UNC13C: variants seen among roughly 807,000 people sequenced by gnomAD.
UNC13C encodes the protein unc-13 homolog C, also known as protein unc-13 homolog C.
UNC13C carries 174 observed loss-of-function variants against 245.4 expected under a neutral mutation model. The ratio of observed to expected loss-of-function variants is 0.71; its 90% CI spans 0.63 to 0.80. The LOEUF (loss-of-function observed/expected upper bound fraction) is 0.80, where lower values mean the gene tolerates loss of function less well. Among genes scored for constraint, UNC13C ranks in the 30% least tolerant of loss-of-function variants. UNC13C has a pLI of 0.00. For synonymous variants in UNC13C, 992 were observed against 895.1 expected (o/e 1.11, Z -1.93); for missense variants, 2,829 against 2,602.9 (o/e 1.09, Z -1.89).
At chr15:54,342,039 T>G in intron 17 of UNC13C, among the ~76,000 whole-genome samples, 1 of 152,240 alleles carries the variant, frequency 6.6e-6, no homozygotes, top group East Asian at 1.9e-4. Flanking sequence ...TCCTTTTTTG[T>G]CCATTGGAGA....
At chr15:54,146,603 C>T (rs1457950210) in intron 4 of UNC13C, among the ~76,000 whole-genome samples, 1 of 152,016 alleles carries the variant, frequency 6.6e-6, no homozygotes, top group East Asian at 1.9e-4. Flanking sequence ...GAAGAGGTGA[C>T]AGAAAAATAA....
intron 4 of UNC13C, among the ~76,000 whole-genome samples, chr15:54,191,901 T>C (rs2034196793): frequency 6.6e-6 from 1 of 152,146 alleles, no homozygotes; most frequent in Non-Finnish European, 1.5e-5. Context: ...GTTGGGGTTA[T>C]TTTTTTCTTG....
rs998741328 is a variant in UNC13C at position 54,426,171 on chromosome 15, T to A, written c.4933+11104T>A. Among the ~76,000 whole-genome samples the A allele has an allele frequency of 6.6e-5, 10 of 151,684 alleles. 1 individual carries two copies. Among genetic ancestry groups the A allele is most frequent in the Admixed American group, 3.3e-4 (5 of 15,172 alleles). On this transcript the variant is annotated intron_variant, in intron 19 of 32. Transcript: ENST00000260323. ...CAGCTGAAGCCTTAATTCTTCTTTGTCATTTAACAGAACATATTCATATTC... is the reference window on the plus strand; with the variant it reads ...CAGCTGAAGCCTTAATTCTTCTTTGACATTTAACAGAACATATTCATATTC...
At chr15:54,455,734 GATTT>G (rs1891485403) in intron 19 of UNC13C, among the ~76,000 whole-genome samples, 2 of 151,546 alleles carry the variant, frequency 1.3e-5, no homozygotes, top group Admixed American at 1.3e-4. Flanking sequence ...TTATTTTGCT[GATTT>G]ATTTGAGTTC....
intron 10 of UNC13C, among the ~76,000 whole-genome samples, chr15:54,287,850 A>G (rs1195999523): frequency 6.6e-6 from 1 of 152,196 alleles, no homozygotes; most frequent in African/African-American, 2.4e-5. Context: ...GCATGTATAT[A>G]TGACTTTTCT....
intron 19 of UNC13C, among the ~76,000 whole-genome samples, chr15:54,465,182 T>C (rs1269572348): frequency 2.0e-5 from 3 of 152,048 alleles, no homozygotes; most frequent in Non-Finnish European, 4.4e-5. Flanking sequence ...GTGACCAGAA[T>C]AGGGTAAATT....
At chr15:54,203,349 T>C (rs1279664969) in intron 4 of UNC13C, among the ~76,000 whole-genome samples, 1 of 151,472 alleles carries the variant, frequency 6.6e-6, no homozygotes, top group African/African-American at 2.4e-5. Flanking sequence ...AGAAAAGAAG[T>C]CACTATACCA....
intron 2 of UNC13C, among the ~76,000 whole-genome samples, chr15:54,019,034 A>G (rs1895783098): frequency 6.6e-6 from 1 of 152,292 alleles, no homozygotes; most frequent in East Asian, 1.9e-4. Context: ...ATAAAAGCTT[A>G]TTACTCAGAA....
intron 4 of UNC13C, among the ~76,000 whole-genome samples, chr15:54,176,340 T>G (rs1454103196): frequency 6.6e-6 from 1 of 152,186 alleles, no homozygotes; most frequent in African/African-American, 2.4e-5. Context: ...ACTGAGATTA[T>G]TATGTTCTAT....
intron 19 of UNC13C, among the ~76,000 whole-genome samples, chr15:54,445,483 T>G (rs1890758313): frequency 6.6e-6 from 1 of 152,210 alleles, no homozygotes; most frequent in Non-Finnish European, 1.5e-5. Flanking sequence ...GACTTTTTAA[T>G]GATCTCCGTT....
chr15:54,153,518 A>C (rs1217449734), intron 4 of UNC13C, among the ~76,000 whole-genome samples: 8 of 151,998 alleles, frequency 5.3e-5, no homozygotes, highest in Non-Finnish European at 1.2e-4. Flanking sequence ...ATCAGAGCTG[A>C]GATTTGAACT....
At chr15:53,951,321 T>A in the UNC13C span, among the ~76,000 whole-genome samples, 6 of 152,220 alleles carry the variant, frequency 3.9e-5, no homozygotes, top group African/African-American at 1.4e-4. Context: ...TGATTTCACA[T>A]CTATCTAATG....
At chr15:53,877,498 A>G in the UNC13C span, among the ~76,000 whole-genome samples, 1 of 152,188 alleles carries the variant, frequency 6.6e-6, no homozygotes, top group African/African-American at 2.4e-5. Flanking sequence ...AAAGGGCTTT[A>G]CTTCCTCAGG....
At chr15:53,935,167 A>C in the UNC13C span, among the ~76,000 whole-genome samples, 15,999 of 146,186 alleles carry the variant, frequency 0.11, 1,199 homozygotes, top group East Asian at 0.34. Flanking sequence ...AAAAAAAAAA[A>C]CCTCTTTCAA....
chr15:54,277,323 T>C (rs1213281617), intron 10 of UNC13C, among the ~76,000 whole-genome samples: 1 of 152,332 alleles, frequency 6.6e-6, no homozygotes, highest in East Asian at 1.9e-4. Flanking sequence ...GGATAGCACT[T>C]CTTTTGACTT....
At chr15:54,384,207 C>G (rs1163587217) in intron 17 of UNC13C, among the ~76,000 whole-genome samples, 2 of 152,008 alleles carry the variant, frequency 1.3e-5, no homozygotes, top group Non-Finnish European at 2.9e-5. Context: ...CCAAAGCAAC[C>G]CTGAGCATAA....
intron 19 of UNC13C, among the ~76,000 whole-genome samples, chr15:54,479,524 A>T (rs1047151651): frequency 1.3e-5 from 2 of 151,928 alleles, no homozygotes; most frequent in Non-Finnish European, 2.9e-5. Flanking sequence ...AATCCATTTA[A>T]CCTGTTTACA....
chr15:54,268,471 T>C (rs146520927), intron 10 of UNC13C, among the ~76,000 whole-genome samples: 1 of 152,270 alleles, frequency 6.6e-6, no homozygotes, highest in African/African-American at 2.4e-5. Flanking sequence ...TTTCTGCTAC[T>C]TTGCTTGCCT....
intron 6 of UNC13C, among the ~76,000 whole-genome samples, chr15:54,236,775 G>C (rs1219287603): frequency 6.6e-6 from 1 of 152,166 alleles, no homozygotes; most frequent in Non-Finnish European, 1.5e-5. Flanking sequence ...GGTGTATGCT[G>C]AATTTTATTT....
Sources: allele counts gnomAD v4.1 joint callset (sites outside exome capture counted in the v4.1 genomes callset), GRCh38; gene constraint gnomAD v4.1.1; transcripts MANE v1.5; gene names NCBI Gene and HGNC (gene_info 2026-07-23, HGNC 2026-07-21).